ADAM18: variants seen among roughly 807,000 people sequenced by gnomAD.
ADAM18 encodes the protein disintegrin and metalloproteinase domain-containing protein 18.
ADAM18 carries 117 observed loss-of-function variants against 94.4 expected under a neutral mutation model. The ratio of observed to expected loss-of-function variants is 1.24; its 90% CI spans 1.07 to 1.45. The LOEUF (loss-of-function observed/expected upper bound fraction) is 1.45, where lower values mean the gene tolerates loss of function less well. ADAM18 is among the 40% of genes most tolerant of loss of function. The pLI, the probability that ADAM18 is intolerant of heterozygous loss-of-function variation, is 0.00. For synonymous variants in ADAM18, 327 were observed against 291.6 expected (o/e 1.12, Z -1.24); for missense variants, 936 against 880.0 (o/e 1.06, Z -0.81).
chr8:39,591,561 C>T (rs1172921134), intron 2 of ADAM18, among the ~76,000 whole-genome samples: 1 of 152,160 alleles, frequency 6.6e-6, no homozygotes, highest in East Asian at 1.9e-4. Context: ...AAATTTCAGT[C>T]ATATCTTCAG....
At chr8:39,671,126 A>G (rs1419500895) in intron 14 of ADAM18, among the ~76,000 whole-genome samples, 3 of 152,212 alleles carry the variant, frequency 2.0e-5, no homozygotes, top group Non-Finnish European at 2.9e-5. Context: ...AGATGTCCCA[A>G]CTACTAACAG....
At chr8:39,591,007 G>T (rs1818555166) in intron 2 of ADAM18, among the ~76,000 whole-genome samples, 1 of 152,178 alleles carries the variant, frequency 6.6e-6, no homozygotes, top group Non-Finnish European at 1.5e-5. Context: ...CCAAACTTAT[G>T]TTTGGTATAC....
intron 6 of ADAM18, among the ~76,000 whole-genome samples, chr8:39,624,873 A>C (rs560989006): frequency 4.0e-3 from 612 of 152,256 alleles, no homozygotes; most frequent in Middle Eastern, 0.024. Context: ...CATGATTGAA[A>C]GTTTTCTGAG....
At chr8:39,648,671 T>C (rs114697553) in intron 12 of ADAM18, 144 bp downstream of exon 12, 1 of 820,262 alleles carries the variant, frequency 1.2e-6, no homozygotes, top group East Asian at 2.9e-5. Context: ...TGAGTTAAGA[T>C]GTATAAATCA....
intron 10 of ADAM18, 94 bp downstream of exon 10, chr8:39,638,640 A>G (rs931147726): frequency 1.5e-6 from 1 of 648,344 alleles, no homozygotes; most frequent in Non-Finnish European, 2.4e-6. Context: ...GTGTAAAACC[A>G]TTTGATCTTT....
At chr8:39,707,668 T>C (rs1265022510) in intron 18 of ADAM18, among the ~76,000 whole-genome samples, 1 of 152,176 alleles carries the variant, frequency 6.6e-6, no homozygotes, top group Non-Finnish European at 1.5e-5. Flanking sequence ...GTATATTTTG[T>C]ATGTATATTT....
chr8:39,714,206 G>T (rs1031791899), intron 18 of ADAM18, among the ~76,000 whole-genome samples: 4 of 152,130 alleles, frequency 2.6e-5, no homozygotes, highest in Non-Finnish European at 4.4e-5. Context: ...ACCAAGCACT[G>T]CATGTTCTCA....
intron 2 of ADAM18, among the ~76,000 whole-genome samples, chr8:39,601,311 G>T (rs1173160522): frequency 6.6e-6 from 1 of 152,230 alleles, no homozygotes; most frequent in South Asian, 2.1e-4. Context: ...CAGGGGCCAG[G>T]TGGTGGCACT....
intron 14 of ADAM18, among the ~76,000 whole-genome samples, chr8:39,677,194 A>G (rs1053357662): frequency 6.6e-5 from 10 of 152,232 alleles, no homozygotes; most frequent in Non-Finnish European, 1.2e-4. Context: ...CCCACCAGAA[A>G]GAGAAACATA....
At chr8:39,702,401 TAC>T (rs1332775951) in intron 17 of ADAM18, among the ~76,000 whole-genome samples, 6 of 152,328 alleles carry the variant, frequency 3.9e-5, no homozygotes, top group African/African-American at 1.4e-4. Context: ...CTTTTTCAGA[TAC>T]ATAGTTTGCA....
chr8:39,714,948 A>T (rs1353451481), intron 18 of ADAM18, among the ~76,000 whole-genome samples: 1 of 152,104 alleles, frequency 6.6e-6, no homozygotes, highest in Admixed American at 6.6e-5. Context: ...ACTGTATATA[A>T]TTGACCTTAA....
intron 1 of ADAM18, among the ~76,000 whole-genome samples, 191 bp from the exon 2 acceptor site, chr8:39,585,085 G>A (rs1430624024): frequency 6.6e-6 from 1 of 151,862 alleles, no homozygotes; most frequent in Non-Finnish European, 1.5e-5. Context: ...CTTTTTTTGT[G>A]TCTTAGCCAT....
At position 39,677,648 on chromosome 8, in the gene ADAM18, A is replaced by G. The variant is rs1393038278; in HGVS notation, c.1631+112A>G. ...ATTTTATAACATGGGAATATTTTCA[A>G]ATACCAATGCATATATTTTTTCTAT... On this transcript the variant is annotated intron_variant, in intron 15 of 19. Coordinates refer to ENST00000265707, the MANE Select transcript of ADAM18 (RefSeq NM_014237.3). The G allele has an allele frequency of 4.6e-6, 3 of 656,496 alleles. No homozygotes were observed. In the East Asian group the frequency reaches 9.4e-5, roughly 21 times the overall value. The allele number at this position is 656,496 out of a possible 1,614,324, so 40.7% of individuals were successfully genotyped here. A position where few individuals can be genotyped will look rare whatever the true frequency, so the allele number is the denominator to read the frequency against.
intron 16 of ADAM18, among the ~76,000 whole-genome samples, chr8:39,681,839 G>A (rs1186797808): frequency 6.6e-6 from 1 of 152,170 alleles, no homozygotes; most frequent in Non-Finnish European, 1.5e-5. Context: ...TACGTGGAAA[G>A]TAGAATGTGT....
At chr8:39,633,590 C>G (rs1819993208) in intron 7 of ADAM18, among the ~76,000 whole-genome samples, 1 of 152,016 alleles carries the variant, frequency 6.6e-6, no homozygotes. Flanking sequence ...TAGAAAGTGG[C>G]CAATCACTTG....
intron 2 of ADAM18, among the ~76,000 whole-genome samples, chr8:39,592,788 C>A (rs1445839213): frequency 6.6e-6 from 1 of 152,074 alleles, no homozygotes; most frequent in Non-Finnish European, 1.5e-5. Flanking sequence ...GCATGTAATT[C>A]CCATGTAACA....
intron 1 of ADAM18, 95 bp downstream of exon 1, chr8:39,584,772 C>G (rs1237451192): frequency 5.0e-5 from 71 of 1,433,370 alleles, no homozygotes; most frequent in Non-Finnish European, 6.8e-5. Context: ...GACCCTCCCC[C>G]TCTCCCTTCT....
At position 39,663,833 on chromosome 8, in the gene ADAM18, T is replaced by A. The variant is rs766301155; in HGVS notation, c.1269T>A (p.Cys423Ter). The A allele has an allele frequency of 1.1e-5, 17 of 1,612,602 alleles. No homozygotes were observed. Among genetic ancestry groups the A allele is most frequent in the Non-Finnish European group, 1.4e-5 (16 of 1,179,692 alleles). Residue 423 changes from cysteine to a stop codon, truncating the protein, a stop_gained, in exon 13 of 20, where the codon TGT becomes TGA. Coordinates refer to ENST00000265707, the MANE Select transcript of ADAM18 (RefSeq NM_014237.3). LOFTEE classifies it high-confidence loss of function. ...AGAAGTGCTGTGATTATAACACATG[T>A]AAACTGAAGGGCTCAGTAAAATGTG... Reference protein sequence around the residue: ...QFKKCCDYNTCKLKGSVKCGS... With the variant: ...QFKKCCDYNT
chr8:39,595,323 A>G (rs1030706378), intron 2 of ADAM18, among the ~76,000 whole-genome samples: 1 of 151,832 alleles, frequency 6.6e-6, no homozygotes, highest in Non-Finnish European at 1.5e-5. Flanking sequence ...CTTCATCACT[A>G]CAAGGAGGGA....
Sources: allele counts gnomAD v4.1 joint callset (sites outside exome capture counted in the v4.1 genomes callset), GRCh38; gene constraint gnomAD v4.1.1; transcripts MANE v1.5; gene names NCBI Gene and HGNC (gene_info 2026-07-23, HGNC 2026-07-21).